POLI: variants seen among roughly 807,000 people sequenced by gnomAD.
The protein encoded by POLI is DNA polymerase iota.
POLI carries 58 observed loss-of-function variants against 51.6 expected under a neutral mutation model. That is an observed-to-expected ratio of 1.12 (90% CI 0.91 to 1.40). POLI has a LOEUF of 1.40. Ranked by LOEUF, POLI falls within the 40% of genes most tolerant of loss-of-function variation. The pLI, the probability that POLI is intolerant of heterozygous loss-of-function variation, is 0.00. For synonymous variants in POLI, 322 were observed against 299.7 expected (o/e 1.07, Z -0.77); for missense variants, 921 against 871.3 (o/e 1.06, Z -0.72).
rs2088760473 is a variant in POLI, at chr18:54,318,503, CT to C, written c.334-1766del. ...GAGATCTAAACTATATTGTCGTTTA[CT>C]TTTAATATTGCAAAGATCTCATATT... On this transcript the variant is annotated intron_variant, in intron 3 of 4. Transcript: ENST00000579823. Among the ~76,000 whole-genome samples the C allele has an allele frequency of 2.7e-5, 4 of 150,650 alleles. No homozygotes were observed. The South Asian group carries it at 8.6e-4, about 32-fold the overall frequency.
downstream of POLI, among the ~76,000 whole-genome samples, chr18:54,300,589 ATAG>A (rs1431354975): frequency 6.6e-6 from 1 of 152,088 alleles, no homozygotes; most frequent in Non-Finnish European, 1.5e-5. Flanking sequence ...TAGAAAACAA[ATAG>A]TAGGTTGGTA....
At chr18:54,290,816 C>A (rs1422822970) in intron 8 of POLI, among the ~76,000 whole-genome samples, 9 of 152,068 alleles carry the variant, frequency 5.9e-5, no homozygotes, top group Non-Finnish European at 1.5e-5. Flanking sequence ...ACATCACACA[C>A]CGGGGCCTAT....
At position 54,298,173 on chromosome 18, in the gene POLI, T is replaced by G. The variant is rs2088424267; in HGVS notation, c.*3706T>G. The G allele has an allele frequency of 9.1e-6, 4 of 437,524 alleles. No individual in the cohort carries two copies. The highest frequency in any genetic ancestry group is 1.2e-5 in the Non-Finnish European group (4 of 329,194). The allele number at this position is 437,524 out of a possible 1,614,324, so 27.1% of individuals were successfully genotyped here. On this transcript the variant is annotated 3_prime_UTR_variant, in exon 10 of 10. Coordinates refer to ENST00000579534, the MANE Select transcript of POLI (RefSeq NM_007195.3). The stretch of plus-strand genomic sequence containing the variant: ...AGGTACATAAACATAAATGAACATG[T>G]TAATGAGTAATTGTAACAACTATGT...
chr18:54,288,637 C>CT (rs562350684), intron 8 of POLI, among the ~76,000 whole-genome samples: 34 of 145,594 alleles, frequency 2.3e-4, no homozygotes, highest in Non-Finnish European at 2.6e-4. Flanking sequence ...TTTCTGTAGT[C>CT]TTTTTTTTTT....
intron 4 of POLI, among the ~76,000 whole-genome samples, chr18:54,278,336 A>C (rs2144493610): frequency 6.6e-6 from 1 of 152,324 alleles, no homozygotes; most frequent in Middle Eastern, 3.4e-3. Flanking sequence ...GTCATTCTTA[A>C]GTTGTAAGAG....
intron 3 of POLI, among the ~76,000 whole-genome samples, chr18:54,305,120 T>C (rs2088559945): frequency 2.0e-5 from 3 of 152,236 alleles, no homozygotes; most frequent in African/African-American, 2.4e-5. Flanking sequence ...CATTGTTCTG[T>C]ATCTCTGTTT....
At position 54,277,846 on chromosome 18, in the gene POLI, A is replaced by G. The variant is rs150991803; in HGVS notation, c.550A>G (p.Asn184Asp). The part of the protein sequence containing the change: ...SAVTVSGHVY[N>D]NQSINLLDVL... ...GGTGACTGTGTCGGGTCATGTATACAATAATCAGTGTGAGTGGGTTCTTAT... is the reference window on the plus strand; with the variant it reads ...GGTGACTGTGTCGGGTCATGTATACGATAATCAGTGTGAGTGGGTTCTTAT... Residue 184 changes from asparagine to aspartate, a missense_variant, in exon 4 of 10, where the codon AAT becomes GAT. Physicochemically the swap from Asn to Asp is conservative, Grantham distance 23 (BLOSUM62 1). Transcript: ENST00000579534. 2.5e-6 allele frequency: 4 copies of G among 1,610,108 alleles called. No individual in the cohort carries two copies. The highest frequency in any genetic ancestry group is 1.3e-5 in the African/African-American group (1 of 74,808).
intron 3 of POLI, among the ~76,000 whole-genome samples, chr18:54,319,223 C>T (rs1282692627): frequency 6.6e-6 from 1 of 152,146 alleles, no homozygotes; most frequent in African/African-American, 2.4e-5. Flanking sequence ...TGTGTGAGAT[C>T]AATAAACCTC....
intron 3 of POLI, among the ~76,000 whole-genome samples, chr18:54,312,595 T>C (rs2062025069): frequency 6.6e-6 from 1 of 152,228 alleles, no homozygotes; most frequent in South Asian, 2.1e-4. Flanking sequence ...GTATTCCCTT[T>C]TCTCTGTAGC....
chr18:54,314,420 G>A (rs149639708), intron 3 of POLI, among the ~76,000 whole-genome samples: 15 of 152,194 alleles, frequency 9.9e-5, no homozygotes, highest in African/African-American at 3.6e-4. Context: ...CAGCAATATT[G>A]GCCTGAAGTT....
At chr18:54,288,637 CT>C (rs562350684) in intron 8 of POLI, among the ~76,000 whole-genome samples, 2,635 of 145,512 alleles carry the variant, frequency 0.018, 37 homozygotes, top group South Asian at 0.046. Context: ...TTTCTGTAGT[CT>C]TTTTTTTTTT....
Position 54,297,259 on chromosome 18 carries a change from T to G in POLI, c.*2792T>G, listed in dbSNP as rs1462760188. 2.0e-6 allele frequency: 2 copies of G among 985,348 alleles called. No homozygotes were observed. The highest frequency in any genetic ancestry group is 9.4e-5 in the South Asian group (2 of 21,292). 61.0% of individuals were successfully genotyped at this position (985,348 alleles called of 1,614,324 possible). A position where few individuals can be genotyped will look rare whatever the true frequency, so the allele number is the denominator to read the frequency against. ...TCTTGCTTGATGCTTTCTGCTGCTT[T>G]CTTGCTTTTGTTTCAGCTCGAGTTT... On this transcript the variant is annotated 3_prime_UTR_variant, in exon 10 of 10. Coordinates refer to ENST00000579534, the MANE Select transcript of POLI (RefSeq NM_007195.3).
intron 8 of POLI, among the ~76,000 whole-genome samples, chr18:54,289,190 G>C (rs1230188879): frequency 7.2e-6 from 1 of 139,562 alleles, no homozygotes; most frequent in East Asian, 2.1e-4. Context: ...TGATTTCTCT[G>C]CTCAAGTGTT....
chr18:54,297,383 G>T lies in POLI; in HGVS notation c.*2916G>T. ...CTCTTGAGTGTATAGTGTAGAGGGG[G>T]TTTCTGTCTTGAGTGTAGGCCTGGA... On this transcript the variant is annotated 3_prime_UTR_variant, in exon 10 of 10. Coordinates refer to ENST00000579534, the MANE Select transcript of POLI (RefSeq NM_007195.3). The T allele has an allele frequency of 3.0e-6, 3 of 983,666 alleles. No individual in the cohort carries two copies. The highest frequency in any genetic ancestry group is 2.4e-6 in the Non-Finnish European group (2 of 828,682). The allele number at this position is 983,666 out of a possible 1,614,324, so 60.9% of individuals were successfully genotyped here. A position where few individuals can be genotyped will look rare whatever the true frequency, so the allele number is the denominator to read the frequency against.
In POLI at chr18:54,293,817, G is replaced by T. The variant is rs867445784; in HGVS notation, c.1573G>T (p.Glu525Ter). 8 of 1,609,306 alleles carry T rather than the reference G, an allele frequency of 5.0e-6. No homozygotes were observed. The highest frequency in any genetic ancestry group is 5.1e-6 in the Non-Finnish European group (6 of 1,177,330). ...INEFPLCSLP[E>*]GVDQEVFKQL... ...TGAATTCCCACTCTGTTCACTTCCTGAAGGTGTTGACCAAGAAGTCTTCAA... is the reference window on the plus strand; with the variant it reads ...TGAATTCCCACTCTGTTCACTTCCTTAAGGTGTTGACCAAGAAGTCTTCAA... Residue 525 changes from glutamate (E) to a stop codon, truncating the protein, a stop_gained, in exon 10 of 10, where the codon GAA (glutamate) becomes TAA (stop). Transcript: ENST00000579534. LOFTEE classifies it low-confidence loss of function (END_TRUNC).
Position 54,293,823 on chromosome 18 carries a change from G to T in POLI, c.1579G>T (p.Val527Phe). 1 of 1,609,678 alleles carries T rather than the reference G, an allele frequency of 6.2e-7. No homozygotes were observed. The highest frequency in any genetic ancestry group is 8.5e-7 in the Non-Finnish European group (1 of 1,177,368). The change falls in exon 10 of 10, where the codon GTT becomes TTT. Residue 527 changes from valine (V) to phenylalanine (F), a missense_variant. Physicochemically the swap from Val to Phe is conservative, Grantham distance 50. Transcript: ENST00000579534. ...CCCACTCTGTTCACTTCCTGAAGGT[G>T]TTGACCAAGAAGTCTTCAAGCAGCT... ...EFPLCSLPEG[V>F]DQEVFKQLPV...
chr18:54,304,349 A>G (rs1568157597), intron 3 of POLI, among the ~76,000 whole-genome samples: 2 of 152,182 alleles, frequency 1.3e-5, no homozygotes, highest in African/African-American at 4.8e-5. Flanking sequence ...GTCATCCACA[A>G]TGGTTGAACT....
At chr18:54,287,881 TAAAG>T (rs2087821212) in intron 8 of POLI, among the ~76,000 whole-genome samples, 1 of 152,200 alleles carries the variant, frequency 6.6e-6, no homozygotes. Context: ...GATAATTAAG[TAAAG>T]AGTCATTTAA....
At chr18:54,292,337 A>G (rs965320323) in intron 9 of POLI, among the ~76,000 whole-genome samples, 6 of 152,180 alleles carry the variant, frequency 3.9e-5, no homozygotes, top group African/African-American at 1.2e-4. Flanking sequence ...ATTAGCTCAT[A>G]AGTATTAAAA....
Sources: allele counts gnomAD v4.1 joint callset (sites outside exome capture counted in the v4.1 genomes callset), GRCh38; gene constraint gnomAD v4.1.1; transcripts MANE v1.5; gene names NCBI Gene and HGNC (gene_info 2026-07-23, HGNC 2026-07-21).